The following PABPC4L variants were observed in gnomAD, a reference collection of about 807,000 sequenced individuals.
PABPC4L encodes the protein poly(A) binding protein cytoplasmic 4 like, also known as polyadenylate-binding protein 4-like.
For missense variants in PABPC4L, 452 were observed against 451.4 expected, an observed-to-expected ratio of 1.00 and a Z score of -0.01; for synonymous variants, 169 against 164.1, an observed-to-expected ratio of 1.03 and a Z score of -0.23.
chr4:133,989,712 C>A, the PABPC4L span, among the ~76,000 whole-genome samples: 1 of 152,048 alleles, frequency 6.6e-6, no homozygotes, highest in Non-Finnish European at 1.5e-5. Flanking sequence ...AAGTAGCTTC[C>A]ATATTTGGAG....
the PABPC4L span, among the ~76,000 whole-genome samples, chr4:134,055,283 G>A: frequency 1.3e-5 from 2 of 151,938 alleles, no homozygotes; most frequent in Non-Finnish European, 2.9e-5. Flanking sequence ...CCTATATAGT[G>A]GAAATAAAGG....
At chr4:133,958,953 A>G in the PABPC4L span, among the ~76,000 whole-genome samples, 3 of 152,172 alleles carry the variant, frequency 2.0e-5, no homozygotes, top group Non-Finnish European at 4.4e-5. Context: ...TTACCACTAG[A>G]TCATGCTCCC....
At chr4:134,181,290 T>C in the PABPC4L span, among the ~76,000 whole-genome samples, 1,212 of 152,074 alleles carry the variant, frequency 8.0e-3, 16 homozygotes, top group African/African-American at 0.027. Context: ...TCTCAACAGA[T>C]GTAGAAAAGG....
chr4:134,186,954 A>C, the PABPC4L span, among the ~76,000 whole-genome samples: 1 of 152,182 alleles, frequency 6.6e-6, no homozygotes, highest in Non-Finnish European at 1.5e-5. Context: ...GTTTATCATC[A>C]CTGGCCATCA....
At chr4:134,174,142 G>A in the PABPC4L span, among the ~76,000 whole-genome samples, 7 of 150,644 alleles carry the variant, frequency 4.6e-5, no homozygotes, top group Non-Finnish European at 7.4e-5. Flanking sequence ...AGGCCTACAC[G>A]TGGTCAGTAT....
At chr4:133,978,354 T>A in the PABPC4L span, among the ~76,000 whole-genome samples, 1 of 152,118 alleles carries the variant, frequency 6.6e-6, no homozygotes, top group Non-Finnish European at 1.5e-5. Flanking sequence ...ATGCCTGTCA[T>A]CCCACCAATT....
chr4:134,034,384 TCCATTATACAG>T, the PABPC4L span, among the ~76,000 whole-genome samples: 4 of 151,930 alleles, frequency 2.6e-5, no homozygotes, highest in African/African-American at 9.7e-5. Flanking sequence ...TAACACAACA[TCCATTATACAG>T]CCATTAATCA....
chr4:134,078,762 C>T, the PABPC4L span, among the ~76,000 whole-genome samples: 2 of 151,620 alleles, frequency 1.3e-5, no homozygotes, highest in East Asian at 1.9e-4. Context: ...AAGCCTTTCT[C>T]CTGCCTCAGC....
At chr4:134,053,184 A>G in the PABPC4L span, among the ~76,000 whole-genome samples, 1 of 152,270 alleles carries the variant, frequency 6.6e-6, no homozygotes, top group African/African-American at 2.4e-5. Flanking sequence ...TTTCCTAAAG[A>G]CACTAGGAAA....
chr4:134,134,787 A>C, the PABPC4L span, among the ~76,000 whole-genome samples: 2 of 151,614 alleles, frequency 1.3e-5, no homozygotes, highest in African/African-American at 4.8e-5. Flanking sequence ...CTTTATCTAC[A>C]TATATGAAAA....
chr4:134,143,147 A>G, the PABPC4L span, among the ~76,000 whole-genome samples: 3 of 151,176 alleles, frequency 2.0e-5, no homozygotes. Flanking sequence ...ATATTATAAA[A>G]CCTCAGAGTT....
At chr4:133,999,364 TATG>T in the PABPC4L span, among the ~76,000 whole-genome samples, 2 of 152,110 alleles carry the variant, frequency 1.3e-5, no homozygotes, top group African/African-American at 4.8e-5. Flanking sequence ...CTGGAATTGA[TATG>T]ATTCCAATGC....
chr4:133,958,798 C>T, the PABPC4L span, among the ~76,000 whole-genome samples: 3 of 152,222 alleles, frequency 2.0e-5, 1 homozygote, highest in Admixed American at 6.5e-5. Flanking sequence ...GGAGTAACTG[C>T]CCCTAAGATT....
the PABPC4L span, among the ~76,000 whole-genome samples, chr4:133,960,363 C>T: frequency 6.6e-6 from 1 of 152,134 alleles, no homozygotes; most frequent in African/African-American, 2.4e-5. Context: ...GGAGCTGAGA[C>T]AATTTAGAGA....
the PABPC4L span, among the ~76,000 whole-genome samples, chr4:133,986,455 AT>A: frequency 1.4e-3 from 220 of 152,032 alleles, no homozygotes; most frequent in Non-Finnish European, 1.7e-3. Context: ...ATTTGTTTGC[AT>A]TTTTTTCCCT....
chr4:134,162,567 T>C, the PABPC4L span, among the ~76,000 whole-genome samples: 1 of 152,116 alleles, frequency 6.6e-6, no homozygotes, highest in Non-Finnish European at 1.5e-5. Context: ...ATGTACACTC[T>C]TCTCATCAGC....
the PABPC4L span, among the ~76,000 whole-genome samples, chr4:133,977,064 T>C: frequency 6.6e-6 from 1 of 152,186 alleles, no homozygotes; most frequent in Non-Finnish European, 1.5e-5. Context: ...ATTTAAGTAT[T>C]TAATCCATCT....
the PABPC4L span, among the ~76,000 whole-genome samples, chr4:134,012,441 A>G: frequency 6.6e-6 from 1 of 152,164 alleles, no homozygotes; most frequent in Non-Finnish European, 1.5e-5. Context: ...TGCCCGCCAG[A>G]GAACAGCCCC....
At chr4:134,137,576 AC>A in the PABPC4L span, among the ~76,000 whole-genome samples, 1 of 151,968 alleles carries the variant, frequency 6.6e-6, no homozygotes, top group East Asian at 1.9e-4. Context: ...TGAAGATATC[AC>A]AGTTTTTCTA....
Sources: allele counts gnomAD v4.1 joint callset (sites outside exome capture counted in the v4.1 genomes callset), GRCh38; gene constraint gnomAD v4.1.1; transcripts MANE v1.5; gene names NCBI Gene and HGNC (gene_info 2026-07-23, HGNC 2026-07-21).